ERBB4: variants seen among roughly 807,000 people sequenced by gnomAD.
ERBB4 encodes the protein erb-b2 receptor tyrosine kinase 4, also known as receptor tyrosine-protein kinase erbB-4.
Under a neutral mutation model 158.0 loss-of-function variants are expected in ERBB4, and 42 were observed. The ratio of observed to expected loss-of-function variants is 0.27; its 90% CI spans 0.21 to 0.34. ERBB4 has a LOEUF of 0.34. Among genes scored for constraint, ERBB4 ranks in the 10% least tolerant of loss-of-function variants. The probability of loss-of-function intolerance (pLI) is 1.00; values close to 1 mark genes in which losing one functional copy is unlikely to be tolerated. For synonymous variants in ERBB4, 583 were observed against 558.7 expected, an observed-to-expected ratio of 1.04 and a Z score of -0.61; for missense variants, 1,333 against 1,624.1, an observed-to-expected ratio of 0.82 and a Z score of 3.08.
At chr2:211,726,791 T>G (rs1045314905) in intron 5 of ERBB4, among the ~76,000 whole-genome samples, 1 of 152,114 alleles carries the variant, frequency 6.6e-6, no homozygotes, top group African/African-American at 2.4e-5. Context: ...TCAGTGTTGA[T>G]TCACAGTATG....
chr2:211,906,056 C>T (rs1016271903), intron 3 of ERBB4, among the ~76,000 whole-genome samples: 8 of 151,744 alleles, frequency 5.3e-5, no homozygotes, highest in African/African-American at 1.9e-4. Context: ...GTTACTCAAC[C>T]CAGAGAGAGA....
intron 3 of ERBB4, among the ~76,000 whole-genome samples, chr2:211,828,146 T>C (rs2077143365): frequency 6.6e-6 from 1 of 152,182 alleles, no homozygotes; most frequent in Non-Finnish European, 1.5e-5. Context: ...AGAGTCTTAG[T>C]CATATTAATT....
chr2:211,848,902 C>T (rs1351361680), intron 3 of ERBB4, among the ~76,000 whole-genome samples: 1 of 152,076 alleles, frequency 6.6e-6, no homozygotes, highest in Non-Finnish European at 1.5e-5. Flanking sequence ...TTTGTCACTC[C>T]TTATTCTTCA....
intron 20 of ERBB4, among the ~76,000 whole-genome samples, chr2:211,437,743 G>A (rs75037415): frequency 7.2e-6 from 1 of 139,042 alleles, no homozygotes; most frequent in East Asian, 2.0e-4. Context: ...GAGTTAGCAA[G>A]AGAGCATTTT....
At chr2:212,411,539 C>T (rs991024655) in intron 1 of ERBB4, among the ~76,000 whole-genome samples, 1 of 152,174 alleles carries the variant, frequency 6.6e-6, no homozygotes, top group African/African-American at 2.4e-5. Context: ...GAATATGCGT[C>T]TACCTCTTCT....
chr2:212,492,534 A>T (rs2106205484), intron 1 of ERBB4, among the ~76,000 whole-genome samples: 1 of 151,686 alleles, frequency 6.6e-6, no homozygotes, highest in African/African-American at 2.4e-5. Context: ...GTTGATTTAA[A>T]TGTAATTGAA....
chr2:212,192,030 G>GTTATATA (rs1559707361), intron 1 of ERBB4, among the ~76,000 whole-genome samples: 23 of 14,688 alleles, frequency 1.6e-3, no homozygotes, highest in Admixed American at 3.4e-3. Context: ...TGTTATATAT[G>GTTATATA]TTATATGTTA....
chr2:211,892,989 G>A (rs1418440350), intron 3 of ERBB4, among the ~76,000 whole-genome samples: 1 of 147,348 alleles, frequency 6.8e-6, no homozygotes, highest in African/African-American at 2.6e-5. Flanking sequence ...TACTGCCCAA[G>A]GTAATTTACA....
intron 2 of ERBB4, among the ~76,000 whole-genome samples, chr2:212,004,436 C>T (rs1011434591): frequency 1.2e-4 from 19 of 152,158 alleles, no homozygotes; most frequent in African/African-American, 4.6e-4. Context: ...CCTATTGACA[C>T]TGGAAGTTGT....
chr2:212,056,712 A>C (rs1432153479), intron 2 of ERBB4, among the ~76,000 whole-genome samples: 4 of 152,218 alleles, frequency 2.6e-5, no homozygotes, highest in African/African-American at 7.2e-5. Flanking sequence ...AAAGACCTTT[A>C]TAGACAAGCA....
At chr2:212,184,834 T>A (rs2081970588) in intron 1 of ERBB4, among the ~76,000 whole-genome samples, 1 of 152,010 alleles carries the variant, frequency 6.6e-6, no homozygotes, top group South Asian at 2.1e-4. Context: ...TCAGGTTAAT[T>A]TCACAAGAAA....
chr2:212,041,082 C>A (rs1388974752), intron 2 of ERBB4, among the ~76,000 whole-genome samples: 1 of 152,004 alleles, frequency 6.6e-6, no homozygotes, highest in African/African-American at 2.4e-5. Context: ...AGTTACTTAA[C>A]CTCTCTGCCT....
intron 25 of ERBB4, among the ~76,000 whole-genome samples, chr2:211,397,765 T>C (rs1202234057): frequency 6.6e-6 from 1 of 152,168 alleles, no homozygotes; most frequent in Non-Finnish European, 1.5e-5. Context: ...TAGGACTGTA[T>C]TGTCCTCCCA....
intron 20 of ERBB4, among the ~76,000 whole-genome samples, chr2:211,512,460 A>G (rs1385977129): frequency 6.7e-6 from 1 of 148,400 alleles, no homozygotes; most frequent in African/African-American, 2.5e-5. Flanking sequence ...AAAAAAAAGC[A>G]TTTTTATATA....
chr2:211,868,219 A>G (rs972134327), intron 3 of ERBB4, among the ~76,000 whole-genome samples: 1 of 149,236 alleles, frequency 6.7e-6, no homozygotes, highest in Non-Finnish European at 1.5e-5. Flanking sequence ...AATGCAACTG[A>G]AAGTTGATCT....
chr2:211,942,816 C>T (rs1331395347), intron 3 of ERBB4, among the ~76,000 whole-genome samples: 1 of 152,030 alleles, frequency 6.6e-6, no homozygotes, highest in Non-Finnish European at 1.5e-5. Context: ...CCAAATATCG[C>T]CTTCTCTAAA....
chr2:211,905,976 G>A (rs997929285), intron 3 of ERBB4, among the ~76,000 whole-genome samples: 4 of 151,722 alleles, frequency 2.6e-5, no homozygotes, highest in African/African-American at 9.7e-5. Flanking sequence ...GGAATGCAGT[G>A]AGAAAGGGAG....
chr2:211,408,961 G>A (rs2063200235), intron 25 of ERBB4, among the ~76,000 whole-genome samples: 1 of 152,024 alleles, frequency 6.6e-6, no homozygotes, highest in Non-Finnish European at 1.5e-5. Context: ...GATGTAAAGG[G>A]GACAGGATAT....
chr2:211,900,950 T>C (rs1575344535), intron 3 of ERBB4, among the ~76,000 whole-genome samples: 1 of 152,204 alleles, frequency 6.6e-6, no homozygotes, highest in East Asian at 1.9e-4. Flanking sequence ...GACCATCATA[T>C]TTACCCCTTC....
Sources: gnomAD v4.1 joint callset for allele counts (sites outside exome capture counted in the v4.1 genomes callset) on GRCh38, gnomAD v4.1.1 for gene constraint, MANE v1.5 for transcripts, NCBI Gene and HGNC (gene_info 2026-07-23, HGNC 2026-07-21) for gene names.